PKD1L1: variants seen among roughly 807,000 people sequenced by gnomAD.
The protein encoded by PKD1L1 is polycystin-1-like protein 1.
A neutral mutation model predicts 323.4 loss-of-function variants in PKD1L1; 236 were observed. That is an observed-to-expected ratio of 0.73 (90% confidence interval 0.66 to 0.81). The LOEUF (loss-of-function observed/expected upper bound fraction) is 0.81, where lower values mean the gene tolerates loss of function less well. Ranked by LOEUF, PKD1L1 falls within the 40% of genes least tolerant of loss-of-function variation. The pLI, the probability that PKD1L1 is intolerant of heterozygous loss-of-function variation, is 0.00. For missense variants in PKD1L1, 3,320 were observed against 3,508.0 expected (o/e 0.95, Z 1.35); for synonymous variants, 1,344 against 1,335.0 (o/e 1.01, Z -0.15).
At chr7:47,958,639 T>A in the PKD1L1 span, among the ~76,000 whole-genome samples, 1 of 152,218 alleles carries the variant, frequency 6.6e-6, no homozygotes, top group African/African-American at 2.4e-5. Context: ...AAACAACCGA[T>A]AGTGAAGCGA....
intron 7 of PKD1L1, among the ~76,000 whole-genome samples, chr7:47,922,521 C>T (rs1787567531): frequency 6.6e-6 from 1 of 151,760 alleles, no homozygotes; most frequent in African/African-American, 2.4e-5. Flanking sequence ...CTCTGCCCCG[C>T]CGCCCCGTCT....
intron 7 of PKD1L1, among the ~76,000 whole-genome samples, chr7:47,925,987 G>T (rs1012889809): frequency 3.9e-5 from 6 of 152,316 alleles, no homozygotes; most frequent in Admixed American, 3.3e-4. Flanking sequence ...CAGGCTGGGC[G>T]CAGTGGTTCA....
chr7:47,807,446 C>T (rs1263449922), intron 52 of PKD1L1, among the ~76,000 whole-genome samples: 1 of 152,010 alleles, frequency 6.6e-6, no homozygotes, highest in East Asian at 2.0e-4. Flanking sequence ...GGGGAACTGG[C>T]CCTTGTTCTC....
intron 41 of PKD1L1, among the ~76,000 whole-genome samples, chr7:47,832,536 C>T (rs1251543895): frequency 1.3e-5 from 2 of 152,214 alleles, no homozygotes; most frequent in Non-Finnish European, 2.9e-5. Flanking sequence ...CACACAAGGA[C>T]CTGGGCTGAG....
At chr7:47,858,273 T>C (rs1785947966) in intron 27 of PKD1L1, among the ~76,000 whole-genome samples, 1 of 152,206 alleles carries the variant, frequency 6.6e-6, no homozygotes, top group African/African-American at 2.4e-5. Context: ...AAATAAACTT[T>C]GGCCTTTTTA....
Position 47,784,720 on chromosome 7 carries a change from A to G in PKD1L1, c.8526+7907T>C, listed in dbSNP as rs184135240. Among the ~76,000 whole-genome samples, 186 of 152,224 alleles carry G rather than the reference A, an allele frequency of 1.2e-3. 2 individuals carry two copies. The highest frequency in any genetic ancestry group is 4.3e-3 in the African/African-American group (179 of 41,546). On this transcript the variant is annotated intron_variant, in intron 56 of 56. Transcript: ENST00000289672. ...ACTCCTTACCTCAGGTGATCCGCCC[A>G]TCTCAGCCTCCCAAAGTGCTGGGAT...
chr7:47,813,094 A>C (rs1302406539), intron 49 of PKD1L1, 27 bp downstream of exon 49: 1 of 1,595,866 alleles, frequency 6.3e-7, no homozygotes, highest in South Asian at 1.1e-5. Context: ...AGGCAGGATG[A>C]GCCCCGGCCC....
chr7:47,876,536 T>A (rs1786407157), intron 22 of PKD1L1, among the ~76,000 whole-genome samples: 1 of 152,112 alleles, frequency 6.6e-6, no homozygotes, highest in Admixed American at 6.5e-5. Context: ...GGGCCCCAGC[T>A]GCCCCTCAGC....
intron 34 of PKD1L1, 104 bp downstream of exon 34, chr7:47,842,858 G>T: frequency 9.2e-7 from 1 of 1,087,830 alleles, no homozygotes; most frequent in Non-Finnish European, 1.3e-6. Context: ...AGATGAGGCT[G>T]CTGTGACAGG....
chr7:47,834,241 T>A, intron 40 of PKD1L1, 98 bp downstream of exon 40: 1 of 1,235,946 alleles, frequency 8.1e-7, no homozygotes, highest in South Asian at 1.3e-5. Context: ...GCCTGACCCA[T>A]CCATGGCCAG....
intron 8 of PKD1L1, among the ~76,000 whole-genome samples, chr7:47,910,523 A>T (rs1164675001): frequency 3.3e-5 from 5 of 151,836 alleles, no homozygotes; most frequent in Non-Finnish European, 5.9e-5. Context: ...TATTTTTAGT[A>T]GAGACAGGGT....
rs1469088006 is a variant in PKD1L1, at chr7:47,938,607, C to T, written c.285+1586G>A. On this transcript the variant is annotated intron_variant, in intron 3 of 56. Coordinates refer to ENST00000289672, the MANE Select transcript of PKD1L1 (RefSeq NM_138295.5). ...TGGCCCTGTGTGACCTTCGCCTGAGCCCACTGGGGCTGTAGAGAGCAGAGC... is the reference window on the plus strand; with the variant it reads ...TGGCCCTGTGTGACCTTCGCCTGAGTCCACTGGGGCTGTAGAGAGCAGAGC... Among the ~76,000 whole-genome samples the T allele has an allele frequency of 1.3e-5, 2 of 152,324 alleles. 1 individual carries two copies. The highest frequency in any genetic ancestry group is 1.3e-4 in the Admixed American group (2 of 15,308).
chr7:47,839,364 T>A lies in PKD1L1; in HGVS notation c.5769+82A>T. 1 of 1,128,312 alleles carries A rather than the reference T, an allele frequency of 8.9e-7. No individual in the cohort carries two copies. The highest frequency in any genetic ancestry group is 1.5e-5 in the African/African-American group (1 of 65,062). 69.9% of individuals were successfully genotyped at this position (1,128,312 alleles called of 1,614,324 possible). Reference sequence around the variant, plus strand: ...CTTTAGAAGAGTTCAAAGACACAACTGTGGCAAGCGAAGCAGAGACAGGTG... The same window carrying A: ...CTTTAGAAGAGTTCAAAGACACAACAGTGGCAAGCGAAGCAGAGACAGGTG... On this transcript the variant is annotated intron_variant, in intron 36 of 56. Coordinates refer to ENST00000289672, the MANE Select transcript of PKD1L1 (RefSeq NM_138295.5). This position sits in a 1 kb window ranked among gnomAD's most constrained non-coding sequence, Gnocchi z 4.3.
At chr7:47,923,993 T>G (rs1265462587) in intron 7 of PKD1L1, among the ~76,000 whole-genome samples, 2 of 152,078 alleles carry the variant, frequency 1.3e-5, no homozygotes, top group African/African-American at 2.4e-5. Context: ...AAAACTGCCT[T>G]TACATGATAA....
At chr7:47,885,067 C>A (rs865826662) in intron 18 of PKD1L1, among the ~76,000 whole-genome samples, 1 of 152,152 alleles carries the variant, frequency 6.6e-6, no homozygotes, top group Admixed American at 6.5e-5. Flanking sequence ...GAATGCCCTG[C>A]TGCAAATGTC....
Position 47,832,329 on chromosome 7 carries a change from TG to T in PKD1L1, c.6337+760del, listed in dbSNP as rs1562951172. On this transcript the variant is annotated intron_variant, in intron 41 of 56. Transcript: ENST00000289672. ...TTTGTCTGGGAGGGTCGTCGGTCCT[TG>T]GGATGAGTTTCCCTTCTGATCTACT... is the stretch of plus-strand genomic sequence containing the variant. Among the ~76,000 whole-genome samples, 5 of 152,320 alleles carry T rather than the reference TG, an allele frequency of 3.3e-5. No homozygotes were observed. In the East Asian group the frequency reaches 5.8e-4, roughly 18 times the overall value.
At chr7:47,881,833 C>G in intron 20 of PKD1L1, 76 bp downstream of exon 20, 1 of 1,419,234 alleles carries the variant, frequency 7.0e-7, no homozygotes, top group Non-Finnish European at 9.5e-7. Flanking sequence ...ACGAAAAGTT[C>G]AGAAGAAATT....
rs1785519890 is a variant in PKD1L1 at position 47,839,337 on chromosome 7, C to T, written c.5769+109G>A. ...GTAATTAACTAAGAAAAGAGGAATA[C>T]ACTTTAGAAGAGTTCAAAGACACAA... is the stretch of plus-strand genomic sequence containing the variant. On this transcript the variant is annotated intron_variant, in intron 36 of 56. Transcript: ENST00000289672. This position sits in a 1 kb window ranked among gnomAD's most constrained non-coding sequence, Gnocchi z 4.3. 1 of 785,966 alleles carries T rather than the reference C, an allele frequency of 1.3e-6. No homozygotes were observed. Among genetic ancestry groups the T allele is most frequent in the Admixed American group, 3.0e-5 (1 of 33,272 alleles). The allele number at this position is 785,966 out of a possible 1,614,324, so 48.7% of individuals were successfully genotyped here. A position where few individuals can be genotyped will look rare whatever the true frequency, so the allele number is the denominator to read the frequency against.
chr7:47,838,444 T>C (rs557765985), intron 36 of PKD1L1, among the ~76,000 whole-genome samples: 2 of 152,232 alleles, frequency 1.3e-5, no homozygotes, highest in Non-Finnish European at 1.5e-5. Context: ...CACAATGTTG[T>C]CATTACCATA....
Sources: allele counts gnomAD v4.1 joint callset (sites outside exome capture counted in the v4.1 genomes callset), GRCh38; gene constraint gnomAD v4.1.1; non-coding constraint Gnocchi (gnomAD v3.1); transcripts MANE v1.5; gene names NCBI Gene and HGNC (gene_info 2026-07-23, HGNC 2026-07-21).